Variants in SLC22A23 observed in about 807,000 individuals in gnomAD.
SLC22A23 encodes solute carrier family 22 member 23, also known as ion transporter protein.
A neutral mutation model predicts 61.0 loss-of-function variants in SLC22A23; 26 were observed. The ratio of observed to expected loss-of-function variants is 0.43; its 90% CI spans 0.31 to 0.59. The LOEUF (loss-of-function observed/expected upper bound fraction) is 0.59, where lower values mean the gene tolerates loss of function less well. Among genes scored for constraint, SLC22A23 ranks in the 20% least tolerant of loss-of-function variants. The pLI, the probability that SLC22A23 is intolerant of heterozygous loss-of-function variation, is 0.11. For missense variants in SLC22A23, 796 were observed against 934.7 expected (o/e 0.85, Z 1.94); for synonymous variants, 430 against 413.9 (o/e 1.04, Z -0.47).
chr6:3,404,128 G>A (rs912798960), intron 3 of SLC22A23, among the ~76,000 whole-genome samples: 1 of 152,214 alleles, frequency 6.6e-6, no homozygotes, highest in Non-Finnish European at 1.5e-5. Context: ...AGCCTCCCCT[G>A]TGTGGAAAAG....
chr6:3,304,613 T>C lies in SLC22A23; in HGVS notation c.1083-6395A>G, dbSNP rs1228384302. On this transcript the variant is annotated intron_variant, in intron 4 of 9. Transcript: ENST00000406686. The surrounding 1 kb of genome is among the most constrained non-coding windows in gnomAD (Gnocchi z 4.3). Reference sequence around the variant, plus strand: ...ACTCAAATCCACTGAGCGAGTTGGATAGAAGCCCGCATGGCGTGGGTTGTA... The same window carrying C: ...ACTCAAATCCACTGAGCGAGTTGGACAGAAGCCCGCATGGCGTGGGTTGTA... 6.6e-6 allele frequency among the ~76,000 whole-genome samples: 1 copy of C among 150,436 alleles called. No individual in the cohort carries two copies. Among genetic ancestry groups the C allele is most frequent in the Admixed American group, 6.7e-5 (1 of 15,016 alleles).
intron 1 of SLC22A23, among the ~76,000 whole-genome samples, chr6:3,453,559 A>G (rs1772251862): frequency 6.6e-6 from 1 of 152,202 alleles, no homozygotes; most frequent in Non-Finnish European, 1.5e-5. Flanking sequence ...CAGCAGCCAC[A>G]TGAGAAAGAG....
rs1428969644 is a variant in SLC22A23, at chr6:3,324,994, AT to A, written c.914-993del. Among the ~76,000 whole-genome samples the A allele has an allele frequency of 6.6e-6, 1 of 152,122 alleles. No individual in the cohort carries two copies. Among genetic ancestry groups the A allele is most frequent in the East Asian group, 1.9e-4 (1 of 5,196 alleles). On this transcript the variant is annotated intron_variant, in intron 3 of 9. Coordinates refer to ENST00000406686, the MANE Select transcript of SLC22A23 (RefSeq NM_015482.2). The surrounding 1 kb of genome is among the most constrained non-coding windows in gnomAD (Gnocchi z 4.3). ...AAAGCAGCTGGGTTTTATATATATT[AT>A]TTTCCCTACAGAGCATGTACATTTA...
intron 3 of SLC22A23, among the ~76,000 whole-genome samples, chr6:3,338,563 G>A (rs915566692): frequency 2.0e-5 from 3 of 152,220 alleles, no homozygotes; most frequent in African/African-American, 7.2e-5. Flanking sequence ...GCCCGCCTTG[G>A]CCTCCCAAAG....
At chr6:3,378,282 C>T (rs868504154) in intron 3 of SLC22A23, among the ~76,000 whole-genome samples, 61 of 152,260 alleles carry the variant, frequency 4.0e-4, no homozygotes, top group Middle Eastern at 6.8e-3. Context: ...CAACATGGCC[C>T]GAAGTCCATC....
intron 1 of SLC22A23, among the ~76,000 whole-genome samples, chr6:3,422,978 T>C (rs1341779120): frequency 6.6e-6 from 1 of 152,180 alleles, no homozygotes; most frequent in Non-Finnish European, 1.5e-5. Context: ...AAACTTCACG[T>C]AGTCCCATTT....
At chr6:3,321,196 T>C (rs193270457) in intron 4 of SLC22A23, among the ~76,000 whole-genome samples, 4 of 152,304 alleles carry the variant, frequency 2.6e-5, no homozygotes, top group Admixed American at 1.3e-4. Context: ...AACAACCCCA[T>C]GAAATAAGAA....
chr6:3,389,665 A>G (rs1300274617), intron 3 of SLC22A23, among the ~76,000 whole-genome samples: 2 of 152,212 alleles, frequency 1.3e-5, no homozygotes, highest in Non-Finnish European at 2.9e-5. Context: ...ATGAAGCCCT[A>G]AACTCCTCAG....
chr6:3,406,486 G>A (rs1768836339), intron 3 of SLC22A23, among the ~76,000 whole-genome samples: 1 of 151,976 alleles, frequency 6.6e-6, no homozygotes, highest in African/African-American at 2.4e-5. Context: ...TCTTTTCTTG[G>A]TCCGTGCCCC....
At position 3,333,508 on chromosome 6, in the gene SLC22A23, T is replaced by G. The variant is rs1479081416; in HGVS notation, c.914-9506A>C. Among the ~76,000 whole-genome samples the G allele has an allele frequency of 6.6e-6, 1 of 151,702 alleles. No individual in the cohort carries two copies. The highest frequency in any genetic ancestry group is 6.6e-5 in the Admixed American group (1 of 15,230). On this transcript the variant is annotated intron_variant, in intron 3 of 9. Coordinates refer to ENST00000406686, the MANE Select transcript of SLC22A23 (RefSeq NM_015482.2). The surrounding 1 kb of genome is among the most constrained non-coding windows in gnomAD (Gnocchi z 4.1). ...TCAGCCACACTGGCCTCCCTGCTGC[T>G]CCTCTAACCCAGCAAGCACACCCCC...
At chr6:3,428,390 G>A (rs529905140) in intron 1 of SLC22A23, among the ~76,000 whole-genome samples, 3 of 152,276 alleles carry the variant, frequency 2.0e-5, no homozygotes, top group African/African-American at 7.2e-5. Flanking sequence ...GACTTGGAGG[G>A]TGTGAACTTT....
intron 4 of SLC22A23, among the ~76,000 whole-genome samples, chr6:3,316,942 G>A (rs750788360): frequency 3.3e-5 from 5 of 152,122 alleles, no homozygotes; most frequent in Non-Finnish European, 7.3e-5. Context: ...ATGATCATGT[G>A]TACTCAGTAC....
chr6:3,293,452 G>T (rs962917359), intron 5 of SLC22A23, among the ~76,000 whole-genome samples: 1 of 152,244 alleles, frequency 6.6e-6, no homozygotes, highest in Non-Finnish European at 1.5e-5. Flanking sequence ...TCGGCCACTC[G>T]AATAAATGTG....
At chr6:3,339,086 C>A (rs1764015352) in intron 3 of SLC22A23, among the ~76,000 whole-genome samples, 1 of 152,190 alleles carries the variant, frequency 6.6e-6, no homozygotes, top group Non-Finnish European at 1.5e-5. Flanking sequence ...GAGGGAGGAG[C>A]CAGTCATTTC....
At chr6:3,394,579 A>T (rs921974426) in intron 3 of SLC22A23, among the ~76,000 whole-genome samples, 1 of 152,240 alleles carries the variant, frequency 6.6e-6, no homozygotes, top group Admixed American at 6.5e-5. Context: ...TGCACAAACT[A>T]TGGTTGCTTC....
intron 3 of SLC22A23, among the ~76,000 whole-genome samples, chr6:3,345,884 T>C (rs367659390): frequency 8.5e-5 from 13 of 152,334 alleles, no homozygotes; most frequent in South Asian, 4.2e-4. Flanking sequence ...CAGTTTTCTA[T>C]TTATAACCTG....
intron 1 of SLC22A23, among the ~76,000 whole-genome samples, chr6:3,452,617 A>T (rs1772209185): frequency 7.1e-6 from 1 of 141,820 alleles, no homozygotes; most frequent in Admixed American, 6.9e-5. Context: ...AAAAAAAAAA[A>T]AAAAAAAAAA....
At chr6:3,391,944 T>C (rs1473076595) in intron 3 of SLC22A23, among the ~76,000 whole-genome samples, 1 of 152,168 alleles carries the variant, frequency 6.6e-6, no homozygotes, top group East Asian at 1.9e-4. Flanking sequence ...GAAAGATCCA[T>C]CTGGCTGGAC....
At chr6:3,291,948 G>A (rs1192257949) in intron 5 of SLC22A23, 2 of 152,196 alleles carry the variant, frequency 1.3e-5, no homozygotes, top group African/African-American at 2.4e-5. Context: ...ATTATGACCT[G>A]AGCTTTTTAA....
Sources: allele counts gnomAD v4.1 joint callset (sites outside exome capture counted in the v4.1 genomes callset), GRCh38; gene constraint gnomAD v4.1.1; non-coding constraint Gnocchi (gnomAD v3.1); transcripts MANE v1.5; gene names NCBI Gene and HGNC (gene_info 2026-07-23, HGNC 2026-07-21).